Variants in RTL4 observed in about 807,000 individuals in gnomAD.
The protein encoded by RTL4 is retrotransposon Gag like 4.
A neutral mutation model predicts 5.3 loss-of-function variants in RTL4; 4 were observed. The ratio of observed to expected loss-of-function variants is 0.75; its 90% CI spans 0.37 to 1.72. The LOEUF is 1.72. Among genes scored for constraint, RTL4 ranks in the 40% most tolerant of loss-of-function variants. The pLI, the probability that RTL4 is intolerant of heterozygous loss-of-function variation, is 0.04. For synonymous variants in RTL4, 98 were observed against 87.3 expected (o/e 1.12, Z -0.68); for missense variants, 260 against 227.1 (o/e 1.14, Z -0.93).
At chrX:112,247,892 C>G in the RTL4 span, among the ~76,000 whole-genome samples, 1 of 111,911 alleles carries the variant, frequency 8.9e-6, no homozygotes, top group African/African-American at 3.3e-5. Flanking sequence ...CTGGTTTCCT[C>G]CAACTGTAAA....
At chrX:112,213,904 T>C in the RTL4 span, among the ~76,000 whole-genome samples, 2 of 110,688 alleles carry the variant, frequency 1.8e-5, no homozygotes, top group African/African-American at 6.6e-5. Flanking sequence ...ATATTTAATG[T>C]ATACAACTTA....
At chrX:112,282,037 G>A in the RTL4 span, among the ~76,000 whole-genome samples, 7 of 111,597 alleles carry the variant, frequency 6.3e-5, no homozygotes, top group Non-Finnish European at 1.1e-4. Context: ...GTGCTTTTGT[G>A]GTCATATCCA....
the RTL4 span, among the ~76,000 whole-genome samples, chrX:112,183,865 G>A: frequency 1.8e-5 from 2 of 111,681 alleles, no homozygotes; most frequent in Admixed American, 1.9e-4. Flanking sequence ...TCTTAATCCA[G>A]TCTATCATTG....
chrX:112,451,987 G>A (rs1019426919), upstream of RTL4, among the ~76,000 whole-genome samples: 2 of 111,572 alleles, frequency 1.8e-5, no homozygotes, highest in African/African-American at 6.5e-5. Context: ...AGATTCCTGG[G>A]ATTCATCCCA....
chrX:112,340,218 GT>G, the RTL4 span, among the ~76,000 whole-genome samples: 1 of 112,314 alleles, frequency 8.9e-6, no homozygotes, highest in Non-Finnish European at 1.9e-5. Flanking sequence ...CAAATAAACA[GT>G]TTTTACTTTT....
chrX:112,153,139 C>T, the RTL4 span, among the ~76,000 whole-genome samples: 1 of 112,059 alleles, frequency 8.9e-6, no homozygotes, highest in Non-Finnish European at 1.9e-5. Flanking sequence ...TCTTTGAACA[C>T]AATATCCAGG....
At chrX:112,356,545 CTATAT>C in the RTL4 span, among the ~76,000 whole-genome samples, 1 of 108,036 alleles carries the variant, frequency 9.3e-6, no homozygotes, top group Non-Finnish European at 1.9e-5. Context: ...AAATAGGCAA[CTATAT>C]TATATCAATC....
chrX:112,265,193 G>T, the RTL4 span, among the ~76,000 whole-genome samples: 3 of 112,848 alleles, frequency 2.7e-5, no homozygotes, highest in Non-Finnish European at 5.6e-5. Flanking sequence ...CACAGGTAAC[G>T]CTGTTCAAAT....
chrX:112,231,002 T>C, the RTL4 span, among the ~76,000 whole-genome samples: 44 of 110,488 alleles, frequency 4.0e-4, no homozygotes, highest in Non-Finnish European at 7.4e-4. Context: ...ATCAGAGAAA[T>C]GCAAATCAAA....
At chrX:112,317,377 C>T in the RTL4 span, among the ~76,000 whole-genome samples, 2 of 112,024 alleles carry the variant, frequency 1.8e-5, no homozygotes, top group African/African-American at 6.5e-5. Flanking sequence ...CCAAATAGGA[C>T]TGGCATGTAT....
At chrX:112,103,608 A>T in the RTL4 span, among the ~76,000 whole-genome samples, 1 of 111,255 alleles carries the variant, frequency 9.0e-6, no homozygotes, top group Non-Finnish European at 1.9e-5. Flanking sequence ...AAGCAGACGG[A>T]CTTCACTTAT....
chrX:112,456,264 T>G (rs1926842631), exon 1 of RTL4: 1 of 306,712 alleles, frequency 3.3e-6, no homozygotes, highest in Admixed American at 6.2e-5. Context: ...TCCATAGAGC[T>G]ATATGTTTTG....
At chrX:112,211,733 T>C in the RTL4 span, among the ~76,000 whole-genome samples, 1 of 112,143 alleles carries the variant, frequency 8.9e-6, no homozygotes, top group Non-Finnish European at 1.9e-5. Flanking sequence ...TCCTCTTTGC[T>C]TCCCTCTCTC....
the RTL4 span, among the ~76,000 whole-genome samples, chrX:112,328,537 A>G: frequency 1.8e-5 from 2 of 111,633 alleles, no homozygotes; most frequent in Non-Finnish European, 3.8e-5. Flanking sequence ...AAAGAGGCTT[A>G]GACTCCCACA....
chrX:112,258,087 TTCTC>T, the RTL4 span, among the ~76,000 whole-genome samples: 1 of 110,196 alleles, frequency 9.1e-6, no homozygotes, highest in South Asian at 3.9e-4. Flanking sequence ...GATTTTCTGT[TTCTC>T]TATGGCTCAG....
chrX:112,325,057 A>T, the RTL4 span, among the ~76,000 whole-genome samples: 4 of 111,575 alleles, frequency 3.6e-5, no homozygotes, highest in African/African-American at 1.3e-4. Flanking sequence ...CAATTGCTTC[A>T]AAGAGAATAA....
the RTL4 span, among the ~76,000 whole-genome samples, chrX:112,401,082 G>C: frequency 9.0e-6 from 1 of 111,675 alleles, no homozygotes; most frequent in Non-Finnish European, 1.9e-5. Context: ...CAAATATCTT[G>C]GTAATTGTTA....
At chrX:112,108,076 A>ATGC in the RTL4 span, among the ~76,000 whole-genome samples, 2 of 110,666 alleles carry the variant, frequency 1.8e-5, no homozygotes, top group African/African-American at 6.6e-5. Flanking sequence ...TTTCTGCTTG[A>ATGC]TCAGTTCTGC....
the RTL4 span, among the ~76,000 whole-genome samples, chrX:112,119,683 A>C: frequency 1.8e-5 from 2 of 111,931 alleles, no homozygotes; most frequent in East Asian, 2.8e-4. Context: ...AAGGAAGCAA[A>C]GCATTCTGTG....
Sources: allele counts gnomAD v4.1 joint callset (sites outside exome capture counted in the v4.1 genomes callset), GRCh38; gene constraint gnomAD v4.1.1; transcripts MANE v1.5; gene names NCBI Gene and HGNC (gene_info 2026-07-23, HGNC 2026-07-21).